ZNF784: variants seen among roughly 807,000 people sequenced by gnomAD.
The protein encoded by ZNF784 is zinc finger protein 784.
ZNF784 carries 5 observed loss-of-function variants against 3.3 expected under a neutral mutation model. The ratio of observed to expected loss-of-function variants is 1.53; its 90% CI spans 0.80 to 3.22. The LOEUF (loss-of-function observed/expected upper bound fraction) is 3.22. Among genes scored for constraint, ZNF784 ranks in the 30% most tolerant of loss-of-function variants. The probability of loss-of-function intolerance (pLI) is 0.00; values close to 1 mark genes in which losing one functional copy is unlikely to be tolerated. For synonymous variants in ZNF784, 231 were observed against 219.6 expected (o/e 1.05, Z -0.46); for missense variants, 501 against 480.7 (o/e 1.04, Z -0.39).
chr19:55,624,465 G>A lies in ZNF784; in HGVS notation c.78+19C>T, dbSNP rs1482197299. On this transcript the variant is annotated intron_variant, in intron 1 of 1. Transcript: ENST00000325351. ...CTCCCACCTCGAGCCCCACGCCCAG[G>A]CCCCTTCCTTGCCCGCACCAGGTCC... 4 of 1,593,880 alleles carry A rather than the reference G, an allele frequency of 2.5e-6. No homozygotes were observed. Among genetic ancestry groups the A allele is most frequent in the Non-Finnish European group, 3.4e-6 (4 of 1,171,498 alleles).
At position 55,624,554 on chromosome 19, in the gene ZNF784, G is replaced by A. The variant is rs768716638; in HGVS notation, c.8C>T (p.Ala3Val). MA[A>V]ARPEAQSRSS... ...CCGACTCTGGGCCTCTGGGCGCGCA[G>A]CGGCCATCTTGTGCCCAAGCCCCGC... The change falls in exon 1 of 2, where the codon GCT becomes GTT. Residue 3 changes from alanine to valine, a missense_variant. Transcript: ENST00000325351. 3 of 1,591,450 alleles carry A rather than the reference G, an allele frequency of 1.9e-6. No homozygotes were observed. The highest frequency in any genetic ancestry group is 2.6e-6 in the Non-Finnish European group (3 of 1,170,214).
chr19:55,620,806 C>T lies in ZNF784; in HGVS notation c.*945G>A, dbSNP rs1981522609. 6.5e-6 allele frequency: 1 copy of T among 152,786 alleles called. No homozygotes were observed. The highest frequency in any genetic ancestry group is 2.1e-4 in the South Asian group (1 of 4,830). 9.5% of individuals were successfully genotyped at this position (152,786 alleles called of 1,614,324 possible). ...GTCACACCTCCAGCTCCCAAGTCCT[C>T]CTCTCGCCCCCACCACAGTGACTCT... On this transcript the variant is annotated 3_prime_UTR_variant, in exon 2 of 2. Transcript: ENST00000325351.
At chr19:55,624,388 G>GC in intron 1 of ZNF784, 96 bp downstream of exon 1, 3 of 855,468 alleles carry the variant, frequency 3.5e-6, no homozygotes, top group South Asian at 4.6e-5. Context: ...TACCTCCCTC[G>GC]CCCACCCCCT....
In ZNF784 at chr19:55,624,554, G is replaced by C; in HGVS notation, c.8C>G (p.Ala3Gly). The C allele has an allele frequency of 6.3e-7, 1 of 1,591,450 alleles. No individual in the cohort carries two copies. Among genetic ancestry groups the C allele is most frequent in the Non-Finnish European group, 8.5e-7 (1 of 1,170,214 alleles). Residue 3 changes from alanine to glycine, a missense_variant, in exon 1 of 2, where the codon GCT becomes GGT. Physicochemically the swap from Ala to Gly is moderately conservative, Grantham distance 60. Coordinates refer to ENST00000325351, the MANE Select transcript of ZNF784 (RefSeq NM_203374.2). MA[A>G]ARPEAQSRSS... ...CCGACTCTGGGCCTCTGGGCGCGCA[G>C]CGGCCATCTTGTGCCCAAGCCCCGC...
Position 55,622,414 on chromosome 19 carries a change from G to T in ZNF784, c.309C>A (p.Cys103Ter). 1.9e-6 allele frequency: 3 copies of T among 1,577,354 alleles called. No homozygotes were observed. Among genetic ancestry groups the T allele is most frequent in the Non-Finnish European group, 1.7e-6 (2 of 1,162,986 alleles). The change falls in exon 2 of 2, where the codon TGC (cysteine) becomes TGA (stop). Residue 103 changes from cysteine (C) to a stop codon, truncating the protein, a stop_gained. Transcript: ENST00000325351. LOFTEE classifies it low-confidence loss of function (END_TRUNC). The surrounding 1 kb of genome is among the most constrained non-coding windows in gnomAD (Gnocchi z 5.9). Reference sequence around the variant, plus strand: ...CCGGGCAGCTGTGGCCGCACACGTGGCACCGGCTCGGGTCCCCACCCTGCC... The same window carrying T: ...CCGGGCAGCTGTGGCCGCACACGTGTCACCGGCTCGGGTCCCCACCCTGCC... The part of the protein sequence containing the change: ...GGGQGGDPSR[C>*]HVCGHSCPGP...
In ZNF784 at chr19:55,622,482, G is replaced by A. The variant is rs377058232; in HGVS notation, c.241C>T (p.Leu81=). ...GCCAAGTGGCCATGTTCGTGGAACAGCAGCTCGGAAACCAGCCGGAAGGCA... is the reference window on the plus strand; with the variant it reads ...GCCAAGTGGCCATGTTCGTGGAACAACAGCTCGGAAACCAGCCGGAAGGCA... ...PAAFRLVSEL[L]FHEHGHLAGA... Residue 81 remains leucine, a synonymous_variant, in exon 2 of 2, where the codon CTG becomes TTG. Coordinates refer to ENST00000325351, the MANE Select transcript of ZNF784 (RefSeq NM_203374.2). The surrounding 1 kb of genome is among the most constrained non-coding windows in gnomAD (Gnocchi z 5.9). 9 of 1,612,636 alleles carry A rather than the reference G, an allele frequency of 5.6e-6. No individual in the cohort carries two copies. The highest frequency in any genetic ancestry group is 1.3e-5 in the African/African-American group (1 of 74,952).
chr19:55,621,656 T>C lies in ZNF784; in HGVS notation c.*95A>G, dbSNP rs1600020278. 6.3e-6 allele frequency: 9 copies of C among 1,437,214 alleles called. No homozygotes were observed. The highest frequency in any genetic ancestry group is 4.0e-5 in the Admixed American group (2 of 50,466). 89.0% of individuals were successfully genotyped at this position (1,437,214 alleles called of 1,614,324 possible). On this transcript the variant is annotated 3_prime_UTR_variant, in exon 2 of 2. Coordinates refer to ENST00000325351, the MANE Select transcript of ZNF784 (RefSeq NM_203374.2). The surrounding 1 kb of genome is among the most constrained non-coding windows in gnomAD (Gnocchi z 4.1). ...CTGTCATCTCTCCCCCAATCTCCCC[T>C]CTTCTGTCCCCTGCCTCCGTTTCCC...
In ZNF784 at chr19:55,624,540, C is replaced by T. The variant is rs149288612; in HGVS notation, c.22G>A (p.Ala8Thr). 80 of 1,598,998 alleles carry T rather than the reference C, an allele frequency of 5.0e-5. 1 individual carries two copies. In the African/African-American group the frequency reaches 9.8e-4, roughly 20 times the overall value. Reference sequence around the variant, plus strand: ...GGAGTCGGTGAGCTCCGACTCTGGGCCTCTGGGCGCGCAGCGGCCATCTTG... The same window carrying T: ...GGAGTCGGTGAGCTCCGACTCTGGGTCTCTGGGCGCGCAGCGGCCATCTTG... Reference protein sequence around the residue: MAAARPEAQSRSSPTPES... With the variant: MAAARPETQSRSSPTPES... The change falls in exon 1 of 2, where the codon GCC becomes ACC. Residue 8 changes from alanine (A) to threonine (T), a missense_variant. Transcript: ENST00000325351.
Position 55,622,435 on chromosome 19 carries a change from C to T in ZNF784, c.288G>A (p.Gln96=). The T allele has an allele frequency of 1.3e-6, 2 of 1,597,802 alleles. No individual in the cohort carries two copies. The highest frequency in any genetic ancestry group is 1.7e-6 in the Non-Finnish European group (2 of 1,172,746). ...CGTGGCACCGGCTCGGGTCCCCACC[C>T]TGCCCGCCTCCCTCGGCCCCAGCCA... The part of the protein sequence containing the change: ...GHLAGAEGGG[Q]GGDPSRCHVC... The change falls in exon 2 of 2, where the codon CAG becomes CAA. Residue 96 remains glutamine, a synonymous_variant. Coordinates refer to ENST00000325351, the MANE Select transcript of ZNF784 (RefSeq NM_203374.2). The surrounding 1 kb of genome is among the most constrained non-coding windows in gnomAD (Gnocchi z 5.9).
At chr19:55,624,146 C>T (rs1364520802) in intron 1 of ZNF784, among the ~76,000 whole-genome samples, 1 of 152,100 alleles carries the variant, frequency 6.6e-6, no homozygotes, top group Non-Finnish European at 1.5e-5. Flanking sequence ...TATGAGGCCC[C>T]GCCCCTTACA....
Position 55,622,302 on chromosome 19 carries a change from A to G in ZNF784, c.421T>C (p.Leu141=). 6.6e-7 allele frequency: 1 copy of G among 1,519,436 alleles called. No homozygotes were observed. Among genetic ancestry groups the G allele is most frequent in the Non-Finnish European group, 8.8e-7 (1 of 1,136,424 alleles). The allele number at this position is 1,519,436 out of a possible 1,614,324, so 94.1% of individuals were successfully genotyped here. A position where few individuals can be genotyped will look rare whatever the true frequency, so the allele number is the denominator to read the frequency against. The change falls in exon 2 of 2, where the codon TTG becomes CTG. Residue 141 remains leucine (L), a synonymous_variant. Transcript: ENST00000325351. The surrounding 1 kb of genome is among the most constrained non-coding windows in gnomAD (Gnocchi z 5.9). The part of the protein sequence containing the change: ...CALCPRAFKA[L]APLLRHQHRH... ...TGCTGGTGCCGGAGCAGGGGCGCCA[A>G]GGCCTTGAAGGCGCGGGGGCAGAGC...
Position 55,622,609 on chromosome 19 carries a change from G to A in ZNF784, c.114C>T (p.Pro38=). Residue 38 remains proline (P), a synonymous_variant, in exon 2 of 2, where the codon CCC becomes CCT. Coordinates refer to ENST00000325351, the MANE Select transcript of ZNF784 (RefSeq NM_203374.2). This position sits in a 1 kb window ranked among gnomAD's most constrained non-coding sequence, Gnocchi z 5.9. ...LVPDDCRPGT[P]PSDLIEIQVV... ...CCTGGATCTCGATGAGGTCACTCGG[G>A]GGTGTGCCAGGCCGGCAGTCATCAG... 6.3e-7 allele frequency: 1 copy of A among 1,579,950 alleles called. No individual in the cohort carries two copies. The highest frequency in any genetic ancestry group is 8.6e-7 in the Non-Finnish European group (1 of 1,162,162).
chr19:55,621,961 G>T lies in ZNF784; in HGVS notation c.762C>A (p.Cys254Ter). ...TGTTGAAGGTGCGGTCGCAGAGCGT[G>T]CAGCGGAACGGGCGCTCGCCAGTGT... ...RIHTGERPFR[C>*]TLCDRTFNNS... is the part of the protein sequence containing the mutation. Residue 254 changes from cysteine to a stop codon, truncating the protein, a stop_gained, in exon 2 of 2, where the codon TGC (cysteine) becomes TGA (stop). Transcript: ENST00000325351. LOFTEE classifies it low-confidence loss of function (END_TRUNC). The surrounding 1 kb of genome is among the most constrained non-coding windows in gnomAD (Gnocchi z 4.1). 1 of 1,595,808 alleles carries T rather than the reference G, an allele frequency of 6.3e-7. No homozygotes were observed. Among genetic ancestry groups the T allele is most frequent in the Non-Finnish European group, 8.5e-7 (1 of 1,177,824 alleles).
rs758835784 is a variant in ZNF784 at position 55,622,575 on chromosome 19, C to A, written c.148G>T (p.Val50Leu). 1 of 1,606,392 alleles carries A rather than the reference C, an allele frequency of 6.2e-7. No homozygotes were observed. Among genetic ancestry groups the A allele is most frequent in the Non-Finnish European group, 8.5e-7 (1 of 1,176,780 alleles). Residue 50 changes from valine to leucine, a missense_variant, in exon 2 of 2, where the codon GTG (valine) becomes TTG (leucine). By Grantham distance (32) the Val-to-Leu change is conservative (BLOSUM62 1). Coordinates refer to ENST00000325351, the MANE Select transcript of ZNF784 (RefSeq NM_203374.2). The surrounding 1 kb of genome is among the most constrained non-coding windows in gnomAD (Gnocchi z 5.9). Reference protein sequence around the residue: ...SDLIEIQVVKVTDTTLVPEPP... With the variant: ...SDLIEIQVVKLTDTTLVPEPP... ...TCAGGGACCAGCGTGGTGTCCGTCA[C>A]CTTCACCACCTGGATCTCGATGAGG...
In ZNF784 at chr19:55,624,531, G is replaced by C; in HGVS notation, c.31C>G (p.Arg11Gly). The C allele has an allele frequency of 1.2e-6, 2 of 1,601,940 alleles. No homozygotes were observed. The highest frequency in any genetic ancestry group is 1.1e-5 in the South Asian group (1 of 89,196). The change falls in exon 1 of 2, where the codon CGG (arginine) becomes GGG (glycine). Residue 11 changes from arginine (R) to glycine (G), a missense_variant. Arg to Gly is a moderately radical substitution (Grantham distance 125, BLOSUM62 -2). Transcript: ENST00000325351. Reference sequence around the variant, plus strand: ...CGCGACTCCGGAGTCGGTGAGCTCCGACTCTGGGCCTCTGGGCGCGCAGCG... The same window carrying C: ...CGCGACTCCGGAGTCGGTGAGCTCCCACTCTGGGCCTCTGGGCGCGCAGCG... MAAARPEAQSRSSPTPESRSQ... is the reference protein window; with the variant it reads MAAARPEAQSGSSPTPESRSQ...
intron 1 of ZNF784, 175 bp downstream of exon 1, chr19:55,624,307 CAT>C (rs956075462): frequency 5.1e-4 from 80 of 155,346 alleles, no homozygotes; most frequent in Non-Finnish European, 8.8e-4. Context: ...CCCACCATGA[CAT>C]AGTCTCCTCC....
At position 55,621,706 on chromosome 19, in the gene ZNF784, GCCTCGTA is replaced by G; in HGVS notation, c.*38_*44del. The G allele has an allele frequency of 6.3e-7, 1 of 1,588,564 alleles. No individual in the cohort carries two copies. Among genetic ancestry groups the G allele is most frequent in the South Asian group, 1.1e-5 (1 of 90,118 alleles). On this transcript the variant is annotated 3_prime_UTR_variant, in exon 2 of 2. Coordinates refer to ENST00000325351, the MANE Select transcript of ZNF784 (RefSeq NM_203374.2). The surrounding 1 kb of genome is among the most constrained non-coding windows in gnomAD (Gnocchi z 4.1). ...CCACCCCGTCCCCCTCCCCGGGTCG[GCCTCGTA>G]CCTCCGCCTTAACTAACCCATGTCC...
Position 55,622,348 on chromosome 19 carries a change from C to G in ZNF784, c.375G>C (p.Gly125=). ...SLRAHYSLHT[G]ERPYRCALCP... is the part of the protein sequence containing the mutation. ...AGAGCGCGCAGCGGTAGGGCCGCTC[C>G]CCCGTGTGCAAGCTGTAGTGCGCGC... The change falls in exon 2 of 2, where the codon GGG becomes GGC. Residue 125 remains glycine (G), a synonymous_variant. Transcript: ENST00000325351. The surrounding 1 kb of genome is among the most constrained non-coding windows in gnomAD (Gnocchi z 5.9). The G allele has an allele frequency of 6.6e-7, 1 of 1,516,782 alleles. No homozygotes were observed. Among genetic ancestry groups the G allele is most frequent in the South Asian group, 1.3e-5 (1 of 79,128 alleles). 94.0% of individuals were successfully genotyped at this position (1,516,782 alleles called of 1,614,324 possible).
At position 55,621,970 on chromosome 19, in the gene ZNF784, CGGGCGCTCGCCAGTGT is replaced by C; in HGVS notation, c.737_752del (p.His246ArgfsTer53). ...TGCGGTCGCAGAGCGTGCAGCGGAACGGGCGCTCGCCAGTGTGGATGCGGGCGTGGCCGCTAAGCAC... is the reference window on the plus strand; with the variant it reads ...TGCGGTCGCAGAGCGTGCAGCGGAACGGATGCGGGCGTGGCCGCTAAGCAC... On this transcript the variant is annotated frameshift_variant, in exon 2 of 2. Coordinates refer to ENST00000325351, the MANE Select transcript of ZNF784 (RefSeq NM_203374.2). LOFTEE classifies it low-confidence loss of function (END_TRUNC). The surrounding 1 kb of genome is among the most constrained non-coding windows in gnomAD (Gnocchi z 4.1). 6.3e-7 allele frequency: 1 copy of C among 1,594,666 alleles called. No individual in the cohort carries two copies. The highest frequency in any genetic ancestry group is 1.1e-5 in the South Asian group (1 of 90,126).
Sources: gnomAD v4.1 joint callset for allele counts (sites outside exome capture counted in the v4.1 genomes callset) on GRCh38, gnomAD v4.1.1 for gene constraint, Gnocchi (gnomAD v3.1) non-coding constraint, MANE v1.5 for transcripts, NCBI Gene and HGNC (gene_info 2026-07-23, HGNC 2026-07-21) for gene names.